PLS3: variants seen among roughly 807,000 people sequenced by gnomAD.
The protein encoded by PLS3 is plastin 3, also known as plastin-3.
In PLS3, 11 loss-of-function variants were observed where a neutral mutation model predicts 46.5. That is an observed-to-expected ratio of 0.24 (90% CI 0.15 to 0.39). The LOEUF (loss-of-function observed/expected upper bound fraction) is 0.39, where lower values mean the gene tolerates loss of function less well. PLS3 is among the 10% of genes least tolerant of loss of function. PLS3 has a pLI of 1.00. For synonymous variants in PLS3, 167 were observed against 162.2 expected, an observed-to-expected ratio of 1.03 and a Z score of -0.22; for missense variants, 308 against 461.8, an observed-to-expected ratio of 0.67 and a Z score of 3.05.
intron 1 of PLS3, among the ~76,000 whole-genome samples, chrX:115,603,573 T>C: frequency 9.0e-6 from 1 of 111,580 alleles, no homozygotes; most frequent in African/African-American, 3.2e-5. Flanking sequence ...TCTCTATTTC[T>C]TTGAATGTCA....
chrX:115,592,287 C>G (rs143644624), intron 1 of PLS3, among the ~76,000 whole-genome samples: 79 of 112,163 alleles, frequency 7.0e-4, no homozygotes, highest in African/African-American at 2.5e-3. Context: ...CTGCCACTTA[C>G]TGAGTACCTT....
intron 1 of PLS3, among the ~76,000 whole-genome samples, chrX:115,573,041 C>T (rs1022732725): frequency 3.1e-5 from 3 of 96,496 alleles, no homozygotes; most frequent in East Asian, 3.3e-4. Context: ...TGCAGTGAGC[C>T]GGGATTGCGC....
At chrX:115,619,080 T>C (rs1177054583) in intron 2 of PLS3, among the ~76,000 whole-genome samples, 1 of 112,127 alleles carries the variant, frequency 8.9e-6, no homozygotes, top group African/African-American at 3.2e-5. Context: ...TGCGTTACTA[T>C]TCTATCTCCA....
rs187116527 is a variant in PLS3, at chrX:115,638,645, A to G, written c.891+1667A>G. 6.4e-4 allele frequency among the ~76,000 whole-genome samples: 72 copies of G among 112,506 alleles called. 1 individual carries two copies. The East Asian group carries it at 0.018, about 28-fold the overall frequency. Reference sequence around the variant, plus strand: ...AGTGGGATATATTTTAAATGTAAAGAGAAAATCTTATTTTTGTAAATGAAG... The same window carrying G: ...AGTGGGATATATTTTAAATGTAAAGGGAAAATCTTATTTTTGTAAATGAAG... On this transcript the variant is annotated intron_variant, in intron 8 of 15. Transcript: ENST00000355899.
chrX:115,634,281 G>A (rs1266243545), intron 6 of PLS3, among the ~76,000 whole-genome samples, 200 bp downstream of exon 6: 2 of 111,675 alleles, frequency 1.8e-5, no homozygotes, highest in Non-Finnish European at 3.8e-5. Flanking sequence ...TTGGAACTGA[G>A]GTTCAAATCC....
At chrX:115,578,768 T>C (rs1304797238) in intron 1 of PLS3, among the ~76,000 whole-genome samples, 1 of 110,365 alleles carries the variant, frequency 9.1e-6, no homozygotes, top group Non-Finnish European at 1.9e-5. Flanking sequence ...CAAGTAAATG[T>C]TCTTCATTTT....
At chrX:115,614,436 A>G (rs2074577695) in intron 2 of PLS3, 3 of 751,436 alleles carry the variant, frequency 4.0e-6, no homozygotes, top group Admixed American at 8.8e-5. Flanking sequence ...TTGGAAATCC[A>G]CTAGTACAGT....
At chrX:115,581,227 G>A (rs1350202379) in intron 1 of PLS3, among the ~76,000 whole-genome samples, 2 of 111,756 alleles carry the variant, frequency 1.8e-5, no homozygotes, top group East Asian at 5.6e-4. Context: ...TTGCCTTAAG[G>A]AAAGTATGGT....
chrX:115,637,729 G>A (rs781901502), intron 8 of PLS3, among the ~76,000 whole-genome samples: 2 of 111,413 alleles, frequency 1.8e-5, no homozygotes, highest in South Asian at 7.6e-4. Context: ...TGGTACACAG[G>A]GAATAAACTT....
chrX:115,644,907 G>A (rs1315091094), intron 10 of PLS3, 114 bp from the exon 11 acceptor site: 4 of 477,030 alleles, frequency 8.4e-6, no homozygotes, highest in South Asian at 4.4e-5. Flanking sequence ...TCGTATTATC[G>A]AAAAATTCTA....
intron 1 of PLS3, among the ~76,000 whole-genome samples, chrX:115,605,672 C>T (rs1049650641): frequency 9.0e-6 from 1 of 110,914 alleles, no homozygotes; most frequent in Admixed American, 9.6e-5. Flanking sequence ...CCATGTTGCC[C>T]AGGCTGGTCT....
chrX:115,644,189 C>G (rs2074927278), intron 10 of PLS3, among the ~76,000 whole-genome samples: 1 of 111,149 alleles, frequency 9.0e-6, no homozygotes, highest in African/African-American at 3.3e-5. Context: ...CAACTCCTTT[C>G]ACCTTTACCT....
rs2074951649 is a variant in PLS3 at position 115,646,349 on chromosome X, A to G, written c.1378-53A>G. The G allele has an allele frequency of 3.5e-6, 4 of 1,148,836 alleles. No individual in the cohort carries two copies. The Admixed American group carries it at 6.6e-5, about 19-fold the overall frequency. 94.7% of individuals were successfully genotyped at this position (1,148,836 alleles called of 1,213,427 possible). A position where few individuals can be genotyped will look rare whatever the true frequency, so the allele number is the denominator to read the frequency against. On this transcript the variant is annotated intron_variant, in intron 12 of 15. Transcript: ENST00000355899. Reference sequence around the variant, plus strand: ...CATTATACAAGACACACACACACGTATGCAGATTAAACAAATGGAAGTCTT... The same window carrying G: ...CATTATACAAGACACACACACACGTGTGCAGATTAAACAAATGGAAGTCTT...
chrX:115,619,630 A>G (rs1235938683), intron 2 of PLS3, among the ~76,000 whole-genome samples: 2 of 112,846 alleles, frequency 1.8e-5, no homozygotes, highest in Non-Finnish European at 3.8e-5. Context: ...ATCCTAGGGA[A>G]ATTAAGTGCT....
intron 1 of PLS3, among the ~76,000 whole-genome samples, chrX:115,596,287 A>T (rs999251522): frequency 8.9e-6 from 1 of 111,902 alleles, no homozygotes; most frequent in Non-Finnish European, 1.9e-5. Context: ...AGCCTGCATG[A>T]TGTATAGGTC....
At chrX:115,609,424 G>A (rs1054223168) in intron 1 of PLS3, among the ~76,000 whole-genome samples, 4 of 111,667 alleles carry the variant, frequency 3.6e-5, no homozygotes, top group African/African-American at 1.3e-4. Flanking sequence ...CAATTTTTTG[G>A]TAATACAATT....
In PLS3 at chrX:115,649,510, G is replaced by A. The variant is rs782291641; in HGVS notation, c.1842G>A (p.Met614Ile). Residue 614 changes from methionine to isoleucine, a missense_variant, in exon 16 of 16, where the codon ATG (methionine) becomes ATA (isoleucine). This residue lies in a region of PLS3 where 271 missense variants were observed against 435.7 expected (regional missense o/e 0.62). Coordinates refer to ENST00000355899, the MANE Select transcript of PLS3 (RefSeq NM_005032.7). ...PEDLVEVKPKMVMTVFACLMG... is the reference protein window; with the variant it reads ...PEDLVEVKPKIVMTVFACLMG... ...ACCTTGTGGAAGTAAAGCCCAAGAT[G>A]GTCATGACTGTGTTTGCATGTTTGA... The A allele has an allele frequency of 8.3e-7, 1 of 1,206,674 alleles. No individual in the cohort carries two copies. Among genetic ancestry groups the A allele is most frequent in the African/African-American group, 1.8e-5 (1 of 57,058 alleles).
rs781849871 is a variant in PLS3, at chrX:115,636,816, T to A, written c.749-20T>A. 1 of 329,446 alleles carries A rather than the reference T, an allele frequency of 3.0e-6. No individual in the cohort carries two copies. The highest frequency in any genetic ancestry group is 1.3e-4 in the East Asian group (1 of 7,810). 27.2% of individuals were successfully genotyped at this position (329,446 alleles called of 1,213,427 possible). A position where few individuals can be genotyped will look rare whatever the true frequency, so the allele number is the denominator to read the frequency against. On this transcript the variant is annotated intron_variant, in intron 7 of 15. Transcript: ENST00000355899. ...ATTGTGTCATATAATAACTGTGGGA[T>A]TTTTTTTTTTTTCTTCTAGCCTTGG... is the stretch of plus-strand genomic sequence containing the variant.
rs369448909 is a variant in PLS3, at chrX:115,649,560, A to G, written c.1892A>G (p.Ter631=). ...ATGGGCAGGGGAATGAAGAGAGTGT[A>G]AAATAACCAATCTGAATAAAACAGC... ...CLMGRGMKRV[*] is the part of the protein sequence containing the mutation. Residue 631 remains the stop codon, a stop_retained_variant, in exon 16 of 16, where the codon TAA becomes TGA. Transcript: ENST00000355899. The G allele has an allele frequency of 1.4e-5, 17 of 1,203,697 alleles. No individual in the cohort carries two copies. The African/African-American group carries it at 2.6e-4, about 19-fold the overall frequency.
Sources: gnomAD v4.1 joint callset for allele counts (sites outside exome capture counted in the v4.1 genomes callset) on GRCh38, gnomAD v4.1.1 for gene constraint, gnomAD v4.1.1 regional missense constraint, MANE v1.5 for transcripts, NCBI Gene and HGNC (gene_info 2026-07-23, HGNC 2026-07-21) for gene names.